Variants in ROCK1 observed in about 807,000 individuals in gnomAD.
ROCK1 encodes rho-associated protein kinase 1.
ROCK1 carries 36 observed loss-of-function variants against 196.8 expected under a neutral mutation model. The ratio of observed to expected loss-of-function variants is 0.18; its 90% CI spans 0.14 to 0.24. ROCK1 has a LOEUF of 0.24. Ranked by LOEUF, ROCK1 falls within the 10% of genes least tolerant of loss-of-function variation. ROCK1 has a pLI of 1.00. For synonymous variants in ROCK1, 443 were observed against 515.9 expected (o/e 0.86, Z 1.91); for missense variants, 920 against 1,562.0 (o/e 0.59, Z 6.93).
chr18:21,005,155 G>A (rs2035758001), intron 16 of ROCK1, among the ~76,000 whole-genome samples: 1 of 152,180 alleles, frequency 6.6e-6, no homozygotes, highest in South Asian at 2.1e-4. Context: ...AAAAATATGT[G>A]AGTAGGTAAA....
intron 14 of ROCK1, 99 bp from the exon 15 acceptor site, chr18:21,006,889 TAGTC>T (rs1341130732): frequency 1.9e-5 from 16 of 828,712 alleles, no homozygotes; most frequent in Non-Finnish European, 2.7e-5. Context: ...TAGGCCATAA[TAGTC>T]AGCTACATTA....
At chr18:20,966,837 G>C (rs544997830) in intron 27 of ROCK1, 80 bp downstream of exon 27, 1 of 1,117,334 alleles carries the variant, frequency 8.9e-7, no homozygotes, top group Non-Finnish European at 1.3e-6. Flanking sequence ...ATGACAAGGA[G>C]GTAGAAAACC....
At chr18:21,107,811 C>G (rs1379660565) in intron 1 of ROCK1, among the ~76,000 whole-genome samples, 2 of 152,138 alleles carry the variant, frequency 1.3e-5, no homozygotes, top group African/African-American at 2.4e-5. Context: ...CCCAGTACTT[C>G]GGGAGGCCAA....
chr18:20,967,733 A>T lies in ROCK1; in HGVS notation c.3192+19T>A, dbSNP rs2035387508. ...AATAATCCTTCACACTCATATCCATACACACACAGAAACCTTACCGCTTGC... is the reference window on the plus strand; with the variant it reads ...AATAATCCTTCACACTCATATCCATTCACACACAGAAACCTTACCGCTTGC... On this transcript the variant is annotated intron_variant, in intron 26 of 32. Transcript: ENST00000399799. 1.9e-6 allele frequency: 3 copies of T among 1,550,492 alleles called. No homozygotes were observed. In the African/African-American group the frequency reaches 4.2e-5, roughly 21 times the overall value.
intron 17 of ROCK1, among the ~76,000 whole-genome samples, chr18:20,991,947 T>G (rs1209493312): frequency 6.6e-6 from 1 of 152,132 alleles, no homozygotes; most frequent in African/African-American, 2.4e-5. Flanking sequence ...CTGCTACCAC[T>G]TTAAAAAAAT....
At position 21,045,535 on chromosome 18, in the gene ROCK1, G is replaced by A; in HGVS notation, c.415-68C>T. 2.4e-6 allele frequency: 3 copies of A among 1,264,876 alleles called. No individual in the cohort carries two copies. In the South Asian group the frequency reaches 5.0e-5, roughly 21 times the overall value. 78.4% of individuals were successfully genotyped at this position (1,264,876 alleles called of 1,614,324 possible). A position where few individuals can be genotyped will look rare whatever the true frequency, so the allele number is the denominator to read the frequency against. On this transcript the variant is annotated intron_variant, in intron 4 of 32. Transcript: ENST00000399799. The stretch of plus-strand genomic sequence containing the variant: ...TAAACAAAATTGTTTCACTTAAAAA[G>A]TGGCAAAAATGTTAATAAAAGATTT...
At chr18:21,071,562 G>A (rs1489140763) in intron 1 of ROCK1, among the ~76,000 whole-genome samples, 1 of 152,164 alleles carries the variant, frequency 6.6e-6, no homozygotes, top group African/African-American at 2.4e-5. Context: ...GTTGAAGTGG[G>A]AAAGCATCTA....
At chr18:21,074,986 G>A (rs532507910) in intron 1 of ROCK1, among the ~76,000 whole-genome samples, 1 of 152,244 alleles carries the variant, frequency 6.6e-6, no homozygotes, top group South Asian at 2.1e-4. Context: ...AGAATGTTCT[G>A]GACTGGGAAA....
chr18:21,081,607 A>T (rs971925709), intron 1 of ROCK1, among the ~76,000 whole-genome samples: 2 of 152,180 alleles, frequency 1.3e-5, no homozygotes, highest in Non-Finnish European at 2.9e-5. Context: ...TAAAATTGGC[A>T]CATATTTGGT....
chr18:21,091,031 T>C (rs78184781), intron 1 of ROCK1, among the ~76,000 whole-genome samples: 5,443 of 143,632 alleles, frequency 0.038, 469 homozygotes, highest in East Asian at 0.28. Context: ...TGGAACTGCA[T>C]AGATCTACTT....
Position 21,006,572 on chromosome 18 carries a change from C to G in ROCK1, c.1664G>C (p.Arg555Thr). Residue 555 changes from arginine (R) to threonine (T), a missense_variant, in exon 16 of 33, where the codon AGG becomes ACG. Physicochemically the swap from Arg to Thr is moderately conservative, Grantham distance 71 (BLOSUM62 -1). Transcript: ENST00000399799. The stretch of plus-strand genomic sequence containing the variant: ...TCTTACAGCTGTGTCCGATTCTGTC[C>G]TAAGTAAGTCATTGGCTTCTTCTAG... ...KQLEEANDLL[R>T]TESDTAVRLR... 6.2e-7 allele frequency: 1 copy of G among 1,613,598 alleles called. No individual in the cohort carries two copies. Among genetic ancestry groups the G allele is most frequent in the Non-Finnish European group, 8.5e-7 (1 of 1,179,848 alleles).
intron 16 of ROCK1, among the ~76,000 whole-genome samples, chr18:21,001,704 G>T (rs907466042): frequency 6.6e-6 from 1 of 151,788 alleles, no homozygotes; most frequent in African/African-American, 2.4e-5. Context: ...GGCAGAGGTT[G>T]CAATGAGCCG....
At chr18:20,988,212 C>G (rs527659566) in intron 18 of ROCK1, among the ~76,000 whole-genome samples, 1 of 152,132 alleles carries the variant, frequency 6.6e-6, no homozygotes, top group African/African-American at 2.4e-5. Flanking sequence ...ATTACAGGTA[C>G]GCACCACTAC....
chr18:21,097,874 T>C (rs1206772422), intron 1 of ROCK1, among the ~76,000 whole-genome samples: 2 of 152,254 alleles, frequency 1.3e-5, no homozygotes, highest in East Asian at 3.8e-4. Context: ...TAATAAGTGG[T>C]CGACCTGGGT....
At chr18:20,985,768 T>C (rs2035572942) in intron 19 of ROCK1, among the ~76,000 whole-genome samples, 1 of 152,202 alleles carries the variant, frequency 6.6e-6, no homozygotes, top group Admixed American at 6.5e-5. Context: ...TTAATAGGTA[T>C]CTCTAATTTC....
At chr18:21,108,641 T>TC (rs2036723679) in intron 1 of ROCK1, among the ~76,000 whole-genome samples, 1 of 152,196 alleles carries the variant, frequency 6.6e-6, no homozygotes, top group Admixed American at 6.5e-5. Context: ...TCTCTTTGGT[T>TC]CCCCATCTTT....
intron 1 of ROCK1, among the ~76,000 whole-genome samples, chr18:21,084,345 T>A (rs778735990): frequency 6.6e-6 from 1 of 151,880 alleles, no homozygotes; most frequent in Non-Finnish European, 1.5e-5. Flanking sequence ...ATCCACAGAA[T>A]GGGAGAAAAT....
intron 1 of ROCK1, among the ~76,000 whole-genome samples, chr18:21,099,548 G>C (rs537441087): frequency 4.6e-5 from 7 of 152,034 alleles, no homozygotes; most frequent in Non-Finnish European, 8.8e-5. Flanking sequence ...GTTTGATCCT[G>C]GCCTAGGCAA....
chr18:21,038,968 T>C (rs147688046), intron 9 of ROCK1, among the ~76,000 whole-genome samples: 57 of 152,330 alleles, frequency 3.7e-4, no homozygotes, highest in African/African-American at 1.3e-3. Context: ...CATTTTTGTT[T>C]CTGAATTGCC....
Sources: gnomAD v4.1 joint callset for allele counts (sites outside exome capture counted in the v4.1 genomes callset) on GRCh38, gnomAD v4.1.1 for gene constraint, MANE v1.5 for transcripts, NCBI Gene and HGNC (gene_info 2026-07-23, HGNC 2026-07-21) for gene names.